The following ASXL2 variants were observed in gnomAD, a reference collection of about 807,000 sequenced individuals.
ASXL2 encodes putative Polycomb group protein ASXL2.
In ASXL2, 23 loss-of-function variants were observed where a neutral mutation model predicts 122.0. That is an observed-to-expected ratio of 0.19 (90% confidence interval 0.14 to 0.27). The LOEUF (loss-of-function observed/expected upper bound fraction) is 0.27, where lower values mean the gene tolerates loss of function less well. Ranked by LOEUF, ASXL2 falls within the 10% of genes least tolerant of loss-of-function variation. The probability of loss-of-function intolerance (pLI) is 1.00; values close to 1 mark genes in which losing one functional copy is unlikely to be tolerated. For synonymous variants in ASXL2, 650 were observed against 637.0 expected (o/e 1.02, Z -0.31); for missense variants, 1,518 against 1,713.8 (o/e 0.89, Z 2.02).
Position 25,734,881 on chromosome 2 carries a change from A to G in ASXL2, c.*7148T>C, listed in dbSNP as rs1347041693. The stretch of plus-strand genomic sequence containing the variant: ...ATTAAGTGAATCTAAAATCTTAAAA[A>G]GAAATCTCTCAAAAATGGAATAAGC... On this transcript the variant is annotated 3_prime_UTR_variant, in exon 13 of 13. Transcript: ENST00000435504. 6.6e-6 allele frequency: 1 copy of G among 152,240 alleles called. No individual in the cohort carries two copies. The highest frequency in any genetic ancestry group is 1.5e-5 in the Non-Finnish European group (1 of 68,034). The allele number at this position is 152,240 out of a possible 1,614,324, so 9.4% of individuals were successfully genotyped here. A position where few individuals can be genotyped will look rare whatever the true frequency, so the allele number is the denominator to read the frequency against.
At chr2:25,776,536 G>A (rs2088548992) in intron 5 of ASXL2, among the ~76,000 whole-genome samples, 2 of 152,086 alleles carry the variant, frequency 1.3e-5, no homozygotes, top group Admixed American at 1.3e-4. Context: ...GAATTGCTGG[G>A]TCTTACTGTA....
At chr2:25,756,703 T>C (rs775649290) in intron 9 of ASXL2, among the ~76,000 whole-genome samples, 70 of 152,198 alleles carry the variant, frequency 4.6e-4, no homozygotes, top group Non-Finnish European at 9.3e-4. Flanking sequence ...ACTTTAACTT[T>C]GCAGGCCATA....
In ASXL2 at chr2:25,740,525, T is replaced by C. The variant is rs1054644094; in HGVS notation, c.*1504A>G. ...TGCAAATTGACACTCCCCCATTTAA[T>C]ACAAAATTCTGTTAAACTGCAGGTT... On this transcript the variant is annotated 3_prime_UTR_variant, in exon 13 of 13. Coordinates refer to ENST00000435504, the MANE Select transcript of ASXL2 (RefSeq NM_018263.6). 8.7e-6 allele frequency: 2 copies of C among 228,794 alleles called. No individual in the cohort carries two copies. Among genetic ancestry groups the C allele is most frequent in the Admixed American group, 5.7e-5 (1 of 17,650 alleles). The allele number at this position is 228,794 out of a possible 1,614,324, so 14.2% of individuals were successfully genotyped here.
intron 1 of ASXL2, among the ~76,000 whole-genome samples, chr2:25,862,334 A>C (rs2089849993): frequency 6.6e-6 from 1 of 152,190 alleles, no homozygotes; most frequent in African/African-American, 2.4e-5. Context: ...AAAACTAAGG[A>C]GCTTCACTTA....
intron 3 of ASXL2, among the ~76,000 whole-genome samples, chr2:25,816,237 C>CAA (rs372559324): frequency 0.17 from 21,045 of 126,728 alleles, 1,979 homozygotes; most frequent in Non-Finnish European, 0.23. Context: ...GCCTCCATCT[C>CAA]AAAAAAAAAA....
intron 5 of ASXL2, among the ~76,000 whole-genome samples, chr2:25,782,266 C>T (rs1411522781): frequency 6.6e-6 from 1 of 151,980 alleles, no homozygotes; most frequent in East Asian, 1.9e-4. Context: ...AACTCTAGGC[C>T]AGGCGCGGTG....
Position 25,742,318 on chromosome 2 carries a change from T to G in ASXL2, c.4019A>C (p.Asp1340Ala). 1 of 1,613,320 alleles carries G rather than the reference T, an allele frequency of 6.2e-7. No individual in the cohort carries two copies. The highest frequency in any genetic ancestry group is 8.5e-7 in the Non-Finnish European group (1 of 1,179,846). ...MINVSTSSDM[D>A]HNSAVPGSQV... is the part of the protein sequence containing the mutation. Reference sequence around the variant, plus strand: ...GCTACCTGGTACAGCAGAGTTATGGTCCATGTCAGATGAGGTGGAGACATT... The same window carrying G: ...GCTACCTGGTACAGCAGAGTTATGGGCCATGTCAGATGAGGTGGAGACATT... Residue 1340 changes from aspartate (D) to alanine (A), a missense_variant, in exon 13 of 13, where the codon GAC becomes GCC. Physicochemically the swap from Asp to Ala is moderately radical, Grantham distance 126 (BLOSUM62 -2). Coordinates refer to ENST00000435504, the MANE Select transcript of ASXL2 (RefSeq NM_018263.6).
intron 8 of ASXL2, among the ~76,000 whole-genome samples, chr2:25,766,397 A>T (rs1254981000): frequency 6.6e-6 from 1 of 152,194 alleles, no homozygotes; most frequent in East Asian, 1.9e-4. Flanking sequence ...TAGTCCTACT[A>T]TGTGAGACAT....
At chr2:25,757,570 G>A (rs2088157419) in intron 9 of ASXL2, among the ~76,000 whole-genome samples, 1 of 149,290 alleles carries the variant, frequency 6.7e-6, no homozygotes, top group African/African-American at 2.5e-5. Flanking sequence ...AGCCACTCAG[G>A]AGGCTGAGGC....
Position 25,743,472 on chromosome 2 carries a change from C to T in ASXL2, c.2865G>A (p.Gln955=). 1.2e-6 allele frequency: 2 copies of T among 1,613,804 alleles called. No homozygotes were observed. Among genetic ancestry groups the T allele is most frequent in the Non-Finnish European group, 1.7e-6 (2 of 1,179,900 alleles). ...SIPANNPLVT[Q]LLQGKDVPME... The stretch of plus-strand genomic sequence containing the variant: ...TGGGAACATCTTTGCCTTGAAGCAG[C>T]TGAGTCACTAAAGGATTATTAGCAG... Residue 955 remains glutamine, a synonymous_variant, in exon 13 of 13, where the codon CAG becomes CAA. Coordinates refer to ENST00000435504, the MANE Select transcript of ASXL2 (RefSeq NM_018263.6).
At chr2:25,780,335 T>C (rs2088613422) in intron 5 of ASXL2, 1 of 152,216 alleles carries the variant, frequency 6.6e-6, no homozygotes, top group Non-Finnish European at 1.5e-5. Flanking sequence ...CATGGAACTC[T>C]TCTGCATTCC....
intron 5 of ASXL2, among the ~76,000 whole-genome samples, chr2:25,779,424 TC>T (rs1478300062): frequency 6.6e-6 from 1 of 152,054 alleles, no homozygotes; most frequent in Non-Finnish European, 1.5e-5. Flanking sequence ...TCCCGTTTCT[TC>T]CCGCCTAACA....
intron 4 of ASXL2, among the ~76,000 whole-genome samples, chr2:25,803,045 C>G (rs2089023689): frequency 6.6e-6 from 1 of 152,108 alleles, no homozygotes; most frequent in Non-Finnish European, 1.5e-5. Context: ...GGCAGGAGAA[C>G]TGCTTGAACC....
chr2:25,765,758 T>C (rs959540499), intron 8 of ASXL2, among the ~76,000 whole-genome samples: 3 of 152,230 alleles, frequency 2.0e-5, no homozygotes, highest in African/African-American at 7.2e-5. Context: ...TTTTAACTGA[T>C]TTTAAGTAGA....
chr2:25,815,881 A>G (rs2089226852), intron 3 of ASXL2, among the ~76,000 whole-genome samples: 1 of 152,234 alleles, frequency 6.6e-6, no homozygotes, highest in African/African-American at 2.4e-5. Flanking sequence ...GCACCTACAT[A>G]AAAGCAATCA....
Position 25,742,288 on chromosome 2 carries a change from A to G in ASXL2, c.4049T>C (p.Val1350Ala). The stretch of plus-strand genomic sequence containing the variant: ...CATGACATCACCTACATTGCTAGAT[A>G]CCTGGCTACCTGGTACAGCAGAGTT... The part of the protein sequence containing the change: ...DHNSAVPGSQ[V>A]SSNVGDVMSF... The change falls in exon 13 of 13, where the codon GTA (valine) becomes GCA (alanine). Residue 1350 changes from valine (V) to alanine (A), a missense_variant. Coordinates refer to ENST00000435504, the MANE Select transcript of ASXL2 (RefSeq NM_018263.6). 2 of 1,613,976 alleles carry G rather than the reference A, an allele frequency of 1.2e-6. No individual in the cohort carries two copies. The highest frequency in any genetic ancestry group is 2.2e-5 in the South Asian group (2 of 91,080).
At chr2:25,809,162 G>C (rs1458329663) in intron 3 of ASXL2, among the ~76,000 whole-genome samples, 13 of 152,222 alleles carry the variant, frequency 8.5e-5, no homozygotes, top group African/African-American at 2.2e-4. Flanking sequence ...CTTTCAAGGA[G>C]GGAGGATAGC....
intron 1 of ASXL2, among the ~76,000 whole-genome samples, chr2:25,866,410 G>A (rs2089905218): frequency 6.6e-6 from 1 of 152,320 alleles, no homozygotes; most frequent in East Asian, 1.9e-4. Context: ...TTACAGGCAT[G>A]AGCCACTGCG....
chr2:25,757,291 T>C (rs1243374069), intron 9 of ASXL2, among the ~76,000 whole-genome samples: 2 of 151,960 alleles, frequency 1.3e-5, no homozygotes, highest in Non-Finnish European at 2.9e-5. Context: ...CTCAGATTAC[T>C]GTGGGCTCCA....
Sources: gnomAD v4.1 joint callset for allele counts (sites outside exome capture counted in the v4.1 genomes callset) on GRCh38, gnomAD v4.1.1 for gene constraint, MANE v1.5 for transcripts, NCBI Gene and HGNC (gene_info 2026-07-23, HGNC 2026-07-21) for gene names.